Variants in TMEM87A observed in about 807,000 individuals in gnomAD.
TMEM87A encodes the protein Golgi-pH regulating cation channel.
A neutral mutation model predicts 90.0 loss-of-function variants in TMEM87A; 50 were observed. The ratio of observed to expected loss-of-function variants is 0.56; its 90% CI spans 0.44 to 0.70. TMEM87A has a LOEUF of 0.70. Among genes scored for constraint, TMEM87A ranks in the 30% least tolerant of loss-of-function variants. TMEM87A has a pLI of 0.00. For synonymous variants in TMEM87A, 226 were observed against 226.7 expected, an observed-to-expected ratio of 1.00 and a Z score of 0.03; for missense variants, 577 against 660.5, an observed-to-expected ratio of 0.87 and a Z score of 1.39.
chr15:42,226,290 A>G (rs757767859), intron 15 of TMEM87A, among the ~76,000 whole-genome samples: 20 of 149,596 alleles, frequency 1.3e-4, no homozygotes, highest in Non-Finnish European at 2.2e-4. Context: ...GTGAGCCACC[A>G]CGCCCAGCCC....
chr15:42,226,041 C>T (rs2050585232), intron 15 of TMEM87A, among the ~76,000 whole-genome samples: 1 of 152,050 alleles, frequency 6.6e-6, no homozygotes, highest in Non-Finnish European at 1.5e-5. Flanking sequence ...CTCGCTCTGT[C>T]ACCTATGCTG....
intron 6 of TMEM87A, among the ~76,000 whole-genome samples, chr15:42,248,355 T>C (rs1282070305): frequency 6.6e-6 from 1 of 152,206 alleles, no homozygotes; most frequent in Non-Finnish European, 1.5e-5. Flanking sequence ...ATCCCTGTCT[T>C]CTGCCAGTTT....
intron 10 of TMEM87A, among the ~76,000 whole-genome samples, chr15:42,234,181 T>A (rs1177963023): frequency 1.3e-5 from 2 of 152,232 alleles, no homozygotes; most frequent in Non-Finnish European, 2.9e-5. Flanking sequence ...TACGGTTCAT[T>A]AAATAGTATA....
At chr15:42,245,396 TG>T (rs1194933087) in intron 6 of TMEM87A, among the ~76,000 whole-genome samples, 3 of 152,178 alleles carry the variant, frequency 2.0e-5, no homozygotes, top group Non-Finnish European at 4.4e-5. Context: ...TAAAATAAAT[TG>T]ATCAATTCTC....
chr15:42,254,120 T>C (rs2051134778), intron 6 of TMEM87A, among the ~76,000 whole-genome samples: 1 of 152,126 alleles, frequency 6.6e-6, no homozygotes, highest in African/African-American at 2.4e-5. Context: ...AAGCACTGTC[T>C]TCATGGTATG....
intron 1 of TMEM87A, 71 bp from the exon 2 acceptor site, chr15:42,272,194 G>A: frequency 8.8e-7 from 1 of 1,134,366 alleles, no homozygotes; most frequent in Non-Finnish European, 1.3e-6. Context: ...AACTATCTAA[G>A]ACTGCTAGAA....
Position 42,237,621 on chromosome 15 carries a change from A to T in TMEM87A, c.685-6T>A. 6.4e-7 allele frequency: 1 copy of T among 1,569,634 alleles called. No homozygotes were observed. The highest frequency in any genetic ancestry group is 8.7e-7 in the Non-Finnish European group (1 of 1,154,950). On this transcript the variant is annotated splice_region_variant and splice_polypyrimidine_tract_variant and intron_variant, in intron 8 of 19. Coordinates refer to ENST00000389834, the MANE Select transcript of TMEM87A (RefSeq NM_015497.5). The stretch of plus-strand genomic sequence containing the variant: ...ATACACATCACCATGAAAAACTGTT[A>T]TCAAATTGGGTAAAAGATAAAAAGG...
chr15:42,261,423 C>A (rs747769007), intron 4 of TMEM87A, among the ~76,000 whole-genome samples, 174 bp from the exon 5 acceptor site: 2 of 152,058 alleles, frequency 1.3e-5, no homozygotes, highest in African/African-American at 2.4e-5. Context: ...GTGAATAAAA[C>A]CCTGCTGGGA....
chr15:42,237,743 G>A, intron 8 of TMEM87A, 128 bp from the exon 9 acceptor site: 1 of 779,860 alleles, frequency 1.3e-6, no homozygotes, highest in Non-Finnish European at 1.8e-6. Flanking sequence ...GCCTAGGATG[G>A]TCTTGAACTT....
At position 42,244,044 on chromosome 15, in the gene TMEM87A, A is replaced by G; in HGVS notation, c.622+6T>C. The G allele has an allele frequency of 6.5e-7, 1 of 1,532,934 alleles. No homozygotes were observed. Among genetic ancestry groups the G allele is most frequent in the Non-Finnish European group, 8.8e-7 (1 of 1,140,124 alleles). The allele number at this position is 1,532,934 out of a possible 1,614,324, so 95.0% of individuals were successfully genotyped here. On this transcript the variant is annotated splice_donor_region_variant and intron_variant, in intron 7 of 19. Coordinates refer to ENST00000389834, the MANE Select transcript of TMEM87A (RefSeq NM_015497.5). ...ACATAACCATTAAAAAAAAAACTGA[A>G]CTTACTGGTAAAAAGATTACTCAGT...
chr15:42,263,217 C>A (rs758039290), intron 4 of TMEM87A, among the ~76,000 whole-genome samples: 3 of 152,118 alleles, frequency 2.0e-5, no homozygotes, highest in Admixed American at 2.0e-4. Context: ...ATCACTTAGC[C>A]TTAAAAAGGA....
At position 42,215,583 on chromosome 15, in the gene TMEM87A, G is replaced by T. The variant is rs1595702089; in HGVS notation, c.1626+2220C>A. ...TAACTTGATTAAAAACTGGGCCAGG[G>T]ACTGGAAGAGACATTTCTCAAAAGA... On this transcript the variant is annotated intron_variant, in intron 19 of 19. Coordinates refer to ENST00000389834, the MANE Select transcript of TMEM87A (RefSeq NM_015497.5). 2.0e-5 allele frequency among the ~76,000 whole-genome samples: 3 copies of T among 152,120 alleles called. No homozygotes were observed. In the East Asian group the frequency reaches 5.8e-4, roughly 29 times the overall value.
chr15:42,237,984 C>T (rs1457493025), intron 8 of TMEM87A, among the ~76,000 whole-genome samples: 1 of 141,880 alleles, frequency 7.0e-6, no homozygotes, highest in Admixed American at 7.4e-5. Flanking sequence ...AGAGCGAATG[C>T]TCTCATATGT....
chr15:42,263,462 G>A (rs968967807), intron 4 of TMEM87A, among the ~76,000 whole-genome samples: 1 of 152,048 alleles, frequency 6.6e-6, no homozygotes, highest in African/African-American at 2.4e-5. Context: ...ACTAGAGATG[G>A]GGCTCAGCCC....
intron 6 of TMEM87A, among the ~76,000 whole-genome samples, chr15:42,251,537 A>G (rs2051086330): frequency 6.6e-6 from 1 of 151,996 alleles, no homozygotes; most frequent in Admixed American, 6.6e-5. Context: ...CTGGAGGTCC[A>G]CTCCACACCC....
At position 42,261,827 on chromosome 15, in the gene TMEM87A, G is replaced by A. The variant is rs1232426702; in HGVS notation, c.406-578C>T. On this transcript the variant is annotated intron_variant, in intron 4 of 19. Coordinates refer to ENST00000389834, the MANE Select transcript of TMEM87A (RefSeq NM_015497.5). ...TTTTTTGTATTTTTAGTAGAGACAG[G>A]GTTTCACCGTGTTAGCCAGGATGGT... Among the ~76,000 whole-genome samples the A allele has an allele frequency of 2.6e-5, 4 of 152,092 alleles. No individual in the cohort carries two copies. In the East Asian group the frequency reaches 5.8e-4, roughly 22 times the overall value.
rs1202746899 is a variant in TMEM87A, at chr15:42,231,252, A to C, written c.1071T>G (p.Thr357=). Residue 357 remains threonine, a synonymous_variant, in exon 12 of 20, where the codon ACT becomes ACG. Transcript: ENST00000389834. ...EGVLRVTGAQ[T]DLASLAFIPL... ...GGATAAAGGCCAAGGAAGCAAGATC[A>C]GTCTGGGCCTGCAGACAAAGAAAAA... The C allele has an allele frequency of 2.5e-6, 4 of 1,575,692 alleles. No homozygotes were observed. In the South Asian group the frequency reaches 4.7e-5, roughly 19 times the overall value.
At chr15:42,259,771 A>G (rs916553036) in intron 6 of TMEM87A, among the ~76,000 whole-genome samples, 8 of 152,214 alleles carry the variant, frequency 5.3e-5, no homozygotes, top group African/African-American at 1.9e-4. Context: ...GGCCCTAATC[A>G]TTCACTGGCT....
chr15:42,255,730 A>G (rs2051166239), intron 6 of TMEM87A, among the ~76,000 whole-genome samples: 1 of 152,042 alleles, frequency 6.6e-6, no homozygotes, highest in African/African-American at 2.4e-5. Context: ...TCCTTAGAAG[A>G]AGGGACATGC....
Sources: gnomAD v4.1 joint callset for allele counts (sites outside exome capture counted in the v4.1 genomes callset) on GRCh38, gnomAD v4.1.1 for gene constraint, MANE v1.5 for transcripts, NCBI Gene and HGNC (gene_info 2026-07-23, HGNC 2026-07-21) for gene names.